The following GRIK1 variants were observed in gnomAD, a reference collection of about 807,000 sequenced individuals.
GRIK1 encodes the protein glutamate ionotropic receptor kainate type subunit 1.
In GRIK1, 69 loss-of-function variants were observed where a neutral mutation model predicts 105.7. The observed-to-expected ratio is 0.65, with a 90% CI of 0.54 to 0.80. The LOEUF is 0.80. Ranked by LOEUF, GRIK1 falls within the 30% of genes least tolerant of loss-of-function variation. GRIK1 has a pLI of 0.00. For missense variants in GRIK1, 1,109 were observed against 1,167.3 expected (o/e 0.95, Z 0.73); for synonymous variants, 438 against 431.3 (o/e 1.02, Z -0.19).
intron 1 of GRIK1, among the ~76,000 whole-genome samples, chr21:29,710,727 T>C (rs986535224): frequency 3.3e-5 from 5 of 152,064 alleles, no homozygotes; most frequent in African/African-American, 1.2e-4. Context: ...ATTATTGTTA[T>C]ATTTTTCTTA....
intron 1 of GRIK1, among the ~76,000 whole-genome samples, chr21:29,780,708 T>C (rs2066071610): frequency 6.6e-6 from 1 of 152,220 alleles, no homozygotes; most frequent in Non-Finnish European, 1.5e-5. Context: ...TTGTTTCTGA[T>C]GATTAGATAT....
At chr21:29,538,545 T>G (rs2089918482) in intron 16 of GRIK1, among the ~76,000 whole-genome samples, 2 of 152,004 alleles carry the variant, frequency 1.3e-5, no homozygotes. Flanking sequence ...TTAGACATTT[T>G]TAAGCGGTTA....
intron 2 of GRIK1, among the ~76,000 whole-genome samples, chr21:29,691,419 T>C (rs2063582431): frequency 6.6e-6 from 1 of 152,246 alleles, no homozygotes; most frequent in Non-Finnish European, 1.5e-5. Context: ...TTTCTCTGAA[T>C]CTTGTGCTAC....
At chr21:29,773,477 C>T (rs577923662) in intron 1 of GRIK1, among the ~76,000 whole-genome samples, 1 of 152,224 alleles carries the variant, frequency 6.6e-6, no homozygotes, top group Admixed American at 6.5e-5. Context: ...TTCTTCTTGA[C>T]ATATGTCTAC....
chr21:29,851,353 C>A (rs1268833312), intron 1 of GRIK1, among the ~76,000 whole-genome samples: 3 of 152,170 alleles, frequency 2.0e-5, no homozygotes, highest in Admixed American at 6.5e-5. Context: ...CATCCCCCGG[C>A]CTAGAAATGA....
intron 16 of GRIK1, 151 bp downstream of exon 16, chr21:29,554,901 G>T (rs747278121): frequency 8.2e-6 from 5 of 611,806 alleles, no homozygotes; most frequent in African/African-American, 1.8e-5. Context: ...ACCTGGCAGG[G>T]ATTCAATAGC....
chr21:29,693,958 G>A lies in GRIK1; in HGVS notation c.224C>T (p.Thr75Ile), dbSNP rs1252992685. Residue 75 changes from threonine to isoleucine, a missense_variant, in exon 2 of 18, where the codon ACC (threonine) becomes ATC (isoleucine). Thr to Ile is a moderately conservative substitution (Grantham distance 89). This residue lies in a region of GRIK1 where 612 missense variants were observed against 586.0 expected (regional missense o/e 1.04). Coordinates refer to ENST00000327783, the MANE Select transcript of GRIK1 (RefSeq NM_001330994.2). ...TCTCTGGATGTCATAGGTTAATGTG[G>A]TGTTAGGCATCAGGGTTCGGTTTCT... is the stretch of plus-strand genomic sequence containing the variant. ...INRNRTLMPN[T>I]TLTYDIQRIN... 1 of 1,612,718 alleles carries A rather than the reference G, an allele frequency of 6.2e-7. No individual in the cohort carries two copies. The highest frequency in any genetic ancestry group is 2.2e-5 in the East Asian group (1 of 44,868).
chr21:29,895,909 C>G (rs1601969518), intron 1 of GRIK1, among the ~76,000 whole-genome samples: 2 of 152,306 alleles, frequency 1.3e-5, no homozygotes, highest in East Asian at 3.9e-4. Flanking sequence ...TCATCATACT[C>G]AGTGTAGCAC....
intron 12 of GRIK1, among the ~76,000 whole-genome samples, chr21:29,584,925 A>G (rs2091097894): frequency 6.6e-6 from 1 of 152,190 alleles, no homozygotes; most frequent in Non-Finnish European, 1.5e-5. Flanking sequence ...TAGTGGCTTT[A>G]TGAAGCAGAA....
intron 1 of GRIK1, among the ~76,000 whole-genome samples, chr21:29,893,565 G>C (rs1266618332): frequency 6.6e-6 from 1 of 152,146 alleles, no homozygotes; most frequent in African/African-American, 2.4e-5. Flanking sequence ...AAATATATTT[G>C]TATGTTTTAC....
At chr21:29,910,130 C>G (rs564280257) in intron 1 of GRIK1, among the ~76,000 whole-genome samples, 1 of 152,148 alleles carries the variant, frequency 6.6e-6, no homozygotes, top group South Asian at 2.1e-4. Context: ...TTGCCTGTAT[C>G]AAAACATGTC....
At chr21:29,835,320 C>T (rs73343708) in intron 1 of GRIK1, among the ~76,000 whole-genome samples, 2,844 of 152,226 alleles carry the variant, frequency 0.019, 87 homozygotes, top group African/African-American at 0.066. Flanking sequence ...TGGGGCAGGT[C>T]GGAAAAGTGG....
intron 1 of GRIK1, among the ~76,000 whole-genome samples, chr21:29,849,046 T>G (rs1322762955): frequency 6.6e-6 from 1 of 152,042 alleles, no homozygotes; most frequent in Non-Finnish European, 1.5e-5. Flanking sequence ...ACACACATAG[T>G]ATAGTTCCTG....
intron 3 of GRIK1, among the ~76,000 whole-genome samples, chr21:29,687,641 A>C (rs1324038103): frequency 1.3e-5 from 2 of 152,228 alleles, no homozygotes; most frequent in Non-Finnish European, 2.9e-5. Context: ...AAAGATGAAA[A>C]GGACATTTCA....
At chr21:29,707,434 C>T (rs56135233) in intron 1 of GRIK1, among the ~76,000 whole-genome samples, 120 of 2,498 alleles carry the variant, frequency 0.048, 2 homozygotes, top group African/African-American at 0.077. Context: ...TTCCCTTCCT[C>T]CCTCCCTCCC....
At chr21:29,603,487 A>C (rs1469304612) in intron 7 of GRIK1, among the ~76,000 whole-genome samples, 6 of 152,184 alleles carry the variant, frequency 3.9e-5, no homozygotes, top group African/African-American at 1.4e-4. Flanking sequence ...ACACCGGCTG[A>C]GATCCAGGTA....
intron 1 of GRIK1, chr21:29,760,302 T>C (rs775962262): frequency 6.6e-5 from 10 of 152,208 alleles, no homozygotes; most frequent in Non-Finnish European, 1.2e-4. Context: ...GAAACCCTCA[T>C]TGGTGGAGAC....
rs975787814 is a variant in GRIK1 at position 29,666,957 on chromosome 21, G to T, written c.726+6026C>A. 3.9e-5 allele frequency among the ~76,000 whole-genome samples: 6 copies of T among 152,066 alleles called. No individual in the cohort carries two copies. In the East Asian group the frequency reaches 1.2e-3, roughly 29 times the overall value. On this transcript the variant is annotated intron_variant, in intron 4 of 17. Coordinates refer to ENST00000327783, the MANE Select transcript of GRIK1 (RefSeq NM_001330994.2). ...CTTGGGCAAGTTACAAAATCTCTCT[G>T]GGCTCTGTCAGTTTCTTCTATCCAG...
At chr21:29,673,209 C>A (rs2063194567) in intron 3 of GRIK1, 45 bp from the exon 4 acceptor site, 6 of 1,339,782 alleles carry the variant, frequency 4.5e-6, no homozygotes, top group Admixed American at 1.8e-5. Context: ...GTTCTGTCGA[C>A]AGAGTATTGT....
Sources: gnomAD v4.1 joint callset for allele counts (sites outside exome capture counted in the v4.1 genomes callset) on GRCh38, gnomAD v4.1.1 for gene constraint, gnomAD v4.1.1 regional missense constraint, MANE v1.5 for transcripts, NCBI Gene and HGNC (gene_info 2026-07-23, HGNC 2026-07-21) for gene names.